The following GRK5 variants were observed in gnomAD, a reference collection of about 807,000 sequenced individuals.
GRK5 encodes the protein g protein-coupled receptor kinase GRK5.
Under a neutral mutation model 78.4 loss-of-function variants are expected in GRK5, and 40 were observed. The ratio of observed to expected loss-of-function variants is 0.51; its 90% CI spans 0.40 to 0.66. The LOEUF (loss-of-function observed/expected upper bound fraction) is 0.66. GRK5 is among the 30% of genes least tolerant of loss of function. GRK5 has a pLI of 0.00. For missense variants in GRK5, 598 were observed against 759.9 expected, an observed-to-expected ratio of 0.79 and a Z score of 2.50; for synonymous variants, 289 against 296.8, an observed-to-expected ratio of 0.97 and a Z score of 0.27.
intron 4 of GRK5, among the ~76,000 whole-genome samples, chr10:119,420,347 AACAAAC>A (rs1474841080): frequency 1.7e-5 from 1 of 60,460 alleles, no homozygotes; most frequent in Non-Finnish European, 5.1e-5. Flanking sequence ...AAAACAAACA[AACAAAC>A]AAAAAAAAAA....
intron 1 of GRK5, among the ~76,000 whole-genome samples, chr10:119,272,872 C>T (rs139703253): frequency 9.9e-5 from 15 of 152,252 alleles, no homozygotes; most frequent in South Asian, 2.1e-4. Flanking sequence ...CCTGGAGGGA[C>T]AGGGAGGCCA....
In GRK5 at chr10:119,453,092, C is replaced by T. The variant is rs1490675997; in HGVS notation, c.1543-53C>T. ...GAGCCCCAGTGGCTTTGCTGCTGGGCTTCCTGACTGCCCCAGTTGACGGCC... is the reference window on the plus strand; with the variant it reads ...GAGCCCCAGTGGCTTTGCTGCTGGGTTTCCTGACTGCCCCAGTTGACGGCC... On this transcript the variant is annotated intron_variant, in intron 14 of 15. Coordinates refer to ENST00000392870, the MANE Select transcript of GRK5 (RefSeq NM_005308.3). 4.2e-6 allele frequency: 5 copies of T among 1,186,100 alleles called. No individual in the cohort carries two copies. The Admixed American group carries it at 6.7e-5, about 16-fold the overall frequency. 73.5% of individuals were successfully genotyped at this position (1,186,100 alleles called of 1,614,324 possible). A position where few individuals can be genotyped will look rare whatever the true frequency, so the allele number is the denominator to read the frequency against.
At chr10:119,454,474 C>T (rs1219962937) in intron 15 of GRK5, among the ~76,000 whole-genome samples, 16 of 152,216 alleles carry the variant, frequency 1.1e-4, no homozygotes, top group Admixed American at 1.0e-3. Context: ...AAGGGCCCAG[C>T]ACTCACGGGA....
chr10:119,433,182 C>T (rs1470872673), intron 8 of GRK5, among the ~76,000 whole-genome samples: 8 of 152,154 alleles, frequency 5.3e-5, no homozygotes, highest in Admixed American at 3.3e-4. Flanking sequence ...CCAGCCTTGT[C>T]GGGGGTGCAG....
At chr10:119,313,600 G>A (rs1475575342) in intron 1 of GRK5, among the ~76,000 whole-genome samples, 2 of 152,120 alleles carry the variant, frequency 1.3e-5, no homozygotes, top group African/African-American at 2.4e-5. Flanking sequence ...GGCAGTGGAC[G>A]GTTGTGTCCT....
At chr10:119,318,270 G>C (rs1197534719) in intron 1 of GRK5, among the ~76,000 whole-genome samples, 1 of 152,212 alleles carries the variant, frequency 6.6e-6, no homozygotes, top group African/African-American at 2.4e-5. Flanking sequence ...TCCTTTCTGG[G>C]ACTCTATTTC....
rs568629497 is a variant in GRK5, at chr10:119,219,528, T to C, written c.52+11559T>C. 6.6e-5 allele frequency among the ~76,000 whole-genome samples: 10 copies of C among 152,308 alleles called. No homozygotes were observed. The South Asian group carries it at 1.0e-3, about 16-fold the overall frequency. The stretch of plus-strand genomic sequence containing the variant: ...GGATACTCAACCTGTATTTATGTTA[T>C]GTGATGGTGAAGAAGAGAGCCGAGA... On this transcript the variant is annotated intron_variant, in intron 1 of 15. Transcript: ENST00000392870.
chr10:119,230,793 T>C (rs1848814139), intron 1 of GRK5, among the ~76,000 whole-genome samples: 1 of 140,260 alleles, frequency 7.1e-6, no homozygotes, highest in South Asian at 2.2e-4. Flanking sequence ...ATTACATCAC[T>C]GTACTCTAGC....
intron 1 of GRK5, among the ~76,000 whole-genome samples, chr10:119,290,664 C>G (rs532226683): frequency 6.3e-4 from 96 of 151,984 alleles, no homozygotes; most frequent in African/African-American, 2.3e-3. Flanking sequence ...AGAATGTTGT[C>G]CTGTCCTCTT....
intron 4 of GRK5, among the ~76,000 whole-genome samples, chr10:119,402,748 A>G (rs535683764): frequency 9.2e-5 from 14 of 152,276 alleles, no homozygotes; most frequent in Admixed American, 9.2e-4. Context: ...CAGCTACTCC[A>G]GAGGCTGAGG....
At chr10:119,394,771 G>C (rs113037871) in intron 3 of GRK5, among the ~76,000 whole-genome samples, 68,586 of 123,292 alleles carry the variant, frequency 0.56, 19,394 homozygotes, top group African/African-American at 0.66. Flanking sequence ...GTGTATCTGT[G>C]TGTGTGTGGG....
chr10:119,354,784 G>A (rs1851241689), intron 2 of GRK5, among the ~76,000 whole-genome samples: 1 of 151,946 alleles, frequency 6.6e-6, no homozygotes, highest in South Asian at 2.1e-4. Context: ...ACCTTTATGA[G>A]GATTTTTTTC....
chr10:119,380,587 A>T (rs1851694841), intron 2 of GRK5, among the ~76,000 whole-genome samples: 1 of 152,206 alleles, frequency 6.6e-6, no homozygotes, highest in African/African-American at 2.4e-5. Context: ...AGAGCATTGG[A>T]CTGGGGGTGT....
At chr10:119,236,100 T>C (rs1160942940) in intron 1 of GRK5, among the ~76,000 whole-genome samples, 2 of 152,204 alleles carry the variant, frequency 1.3e-5, no homozygotes, top group Admixed American at 6.5e-5. Flanking sequence ...CAGGTTGCAG[T>C]GGGCTCCTTA....
chr10:119,241,567 T>C (rs997008939), intron 1 of GRK5, among the ~76,000 whole-genome samples: 3 of 152,184 alleles, frequency 2.0e-5, no homozygotes, highest in African/African-American at 7.2e-5. Flanking sequence ...TGTATATAAT[T>C]GTGAAAATTG....
At chr10:119,381,259 A>T (rs925359400) in intron 3 of GRK5, among the ~76,000 whole-genome samples, 2 of 152,202 alleles carry the variant, frequency 1.3e-5, no homozygotes, top group African/African-American at 2.4e-5. Context: ...TTGGATCTCA[A>T]GGCCCCTTCC....
At chr10:119,410,057 G>A (rs1299353549) in intron 4 of GRK5, among the ~76,000 whole-genome samples, 3 of 152,268 alleles carry the variant, frequency 2.0e-5, no homozygotes, top group African/African-American at 2.4e-5. Context: ...CCGCGTGCGC[G>A]GCCTGTGTAA....
intron 2 of GRK5, among the ~76,000 whole-genome samples, chr10:119,347,713 C>T (rs2133794152): frequency 6.6e-6 from 1 of 152,366 alleles, no homozygotes; most frequent in South Asian, 2.1e-4. Flanking sequence ...AGGCCTGGTT[C>T]CCGGCCCCCG....
At chr10:119,304,359 A>G (rs7913438) in intron 1 of GRK5, among the ~76,000 whole-genome samples, 146,767 of 146,872 alleles carry the variant, frequency 1, 73,331 homozygotes, top group East Asian at 1. Context: ...GCATGATCTC[A>G]GCTCACTGCA....
Sources: gnomAD v4.1 joint callset for allele counts (sites outside exome capture counted in the v4.1 genomes callset) on GRCh38, gnomAD v4.1.1 for gene constraint, MANE v1.5 for transcripts, NCBI Gene and HGNC (gene_info 2026-07-23, HGNC 2026-07-21) for gene names.